SYN3: variants seen among roughly 807,000 people sequenced by gnomAD.
SYN3 encodes the protein synapsin III.
SYN3 carries 35 observed loss-of-function variants against 65.8 expected under a neutral mutation model. That is an observed-to-expected ratio of 0.53 (90% CI 0.41 to 0.70). The LOEUF (loss-of-function observed/expected upper bound fraction) is 0.70, where lower values mean the gene tolerates loss of function less well. Among genes scored for constraint, SYN3 ranks in the 30% least tolerant of loss-of-function variants. SYN3 has a pLI of 0.00. For missense variants in SYN3, 680 were observed against 749.0 expected (o/e 0.91, Z 1.08); for synonymous variants, 270 against 292.9 (o/e 0.92, Z 0.80).
intron 1 of SYN3, among the ~76,000 whole-genome samples, chr22:33,041,541 G>A (rs1452249070): frequency 2.0e-5 from 3 of 151,890 alleles, no homozygotes; most frequent in Non-Finnish European, 2.9e-5. Flanking sequence ...CTTGTGATCC[G>A]CCCGTCTCGG....
At chr22:32,951,484 C>T (rs1006687361) in intron 3 of SYN3, among the ~76,000 whole-genome samples, 3 of 152,248 alleles carry the variant, frequency 2.0e-5, no homozygotes, top group Admixed American at 2.0e-4. Context: ...ACCTCTCTCA[C>T]TCAAGTAGAA....
intron 4 of SYN3, among the ~76,000 whole-genome samples, chr22:32,897,823 T>C (rs932380087): frequency 2.6e-5 from 4 of 152,178 alleles, no homozygotes; most frequent in African/African-American, 9.6e-5. Context: ...TTTTTATATA[T>C]ATTTTTTTAT....
chr22:32,605,522 G>A (rs562570974), intron 6 of SYN3, among the ~76,000 whole-genome samples: 14 of 152,204 alleles, frequency 9.2e-5, no homozygotes, highest in African/African-American at 2.4e-4. Context: ...ATCGCCCCAC[G>A]TAAGCCTCTT....
chr22:32,651,014 C>A (rs1270394245), intron 6 of SYN3, among the ~76,000 whole-genome samples: 1 of 152,094 alleles, frequency 6.6e-6, no homozygotes, highest in Non-Finnish European at 1.5e-5. Flanking sequence ...CTGGGGTCAG[C>A]TGCAGCCAAG....
At chr22:32,874,817 T>C (rs1017586774) in intron 4 of SYN3, among the ~76,000 whole-genome samples, 7 of 152,084 alleles carry the variant, frequency 4.6e-5, no homozygotes, top group Admixed American at 4.6e-4. Context: ...AGACTTCACG[T>C]TTTCTCTTAA....
chr22:32,591,677 A>C (rs1295593298), intron 7 of SYN3, among the ~76,000 whole-genome samples: 2 of 152,230 alleles, frequency 1.3e-5, no homozygotes, highest in African/African-American at 2.4e-5. Context: ...AAATGAAGTT[A>C]GTTTTGTGCA....
intron 3 of SYN3, among the ~76,000 whole-genome samples, chr22:32,948,892 A>G (rs566185814): frequency 1.5e-5 from 2 of 135,170 alleles, no homozygotes; most frequent in South Asian, 4.2e-4. Flanking sequence ...AAAAAAAAAG[A>G]AAGAAAGAAA....
At chr22:32,566,628 T>C (rs1285981390) in intron 7 of SYN3, among the ~76,000 whole-genome samples, 1 of 152,202 alleles carries the variant, frequency 6.6e-6, no homozygotes, top group Non-Finnish European at 1.5e-5. Context: ...TTGGAGGTCA[T>C]GAATTATCTT....
In SYN3 at chr22:32,870,091, C is replaced by A. The variant is rs143053870; in HGVS notation, c.462-966G>T. ...ACAAAAAAATCAGCCCAGGCTGGGG[C>A]AATAGGGAGCACTTATAACCATTTG... On this transcript the variant is annotated intron_variant, in intron 4 of 13. Transcript: ENST00000358763. Among the ~76,000 whole-genome samples the A allele has an allele frequency of 3.3e-3, 505 of 152,188 alleles. 2 individuals are homozygous for A. Among genetic ancestry groups the A allele is most frequent in the Non-Finnish European group, 5.6e-3 (382 of 67,980 alleles).
In SYN3 at chr22:32,864,971, C is replaced by A. The variant is rs1217426407; in HGVS notation, c.655G>T (p.Gly219Cys). ...SQLIKIFHSL[G>C]PEKFPLVEQT... ...TCCACAAGCGGGAACTTCTCAGGAC[C>A]CAGGGAATGGAAGATCTTAATGAGC... The change falls in exon 6 of 14, where the codon GGT becomes TGT. Residue 219 changes from glycine (G) to cysteine (C), a missense_variant. By Grantham distance (159) the Gly-to-Cys change is radical (BLOSUM62 -3). Coordinates refer to ENST00000358763, the MANE Select transcript of SYN3 (RefSeq NM_003490.4). The A allele has an allele frequency of 6.2e-7, 1 of 1,614,040 alleles. No individual in the cohort carries two copies. The highest frequency in any genetic ancestry group is 8.5e-7 in the Non-Finnish European group (1 of 1,179,974).
Position 32,520,338 on chromosome 22 carries a change from T to C in SYN3, c.1319-2004A>G, listed in dbSNP as rs376274003. ...TTTTTGTAGAGATGGGGTGTCGCTG[T>C]GTTGCCCAGGCTGGTCTTGAACTCC... On this transcript the variant is annotated intron_variant, in intron 12 of 13. Transcript: ENST00000358763. 2.4e-4 allele frequency among the ~76,000 whole-genome samples: 36 copies of C among 151,782 alleles called. 3 individuals carry two copies. In the South Asian group the frequency reaches 5.4e-3, roughly 23 times the overall value.
intron 3 of SYN3, among the ~76,000 whole-genome samples, chr22:32,933,981 T>TA (rs113001238): frequency 2.0e-5 from 3 of 152,164 alleles, no homozygotes; most frequent in Admixed American, 6.5e-5. Flanking sequence ...CGGGAGTACT[T>TA]ACGCCTCTTG....
chr22:32,931,023 G>A (rs2146693516), intron 4 of SYN3: 1 of 177,332 alleles, frequency 5.6e-6, no homozygotes, highest in Non-Finnish European at 1.2e-5. Flanking sequence ...ACAGGGTGCT[G>A]TCATACATGT....
intron 2 of SYN3, among the ~76,000 whole-genome samples, chr22:32,995,756 T>C (rs1288020221): frequency 1.3e-5 from 2 of 152,012 alleles, no homozygotes; most frequent in Non-Finnish European, 2.9e-5. Context: ...TCCGACTCCC[T>C]GGTTCAAGTG....
intron 3 of SYN3, among the ~76,000 whole-genome samples, chr22:32,963,128 C>T (rs1234473418): frequency 1.3e-5 from 2 of 149,660 alleles, no homozygotes; most frequent in Non-Finnish European, 3.0e-5. Context: ...CCAGGCTGGA[C>T]AGCAGTGATG....
At chr22:32,779,049 G>C (rs2045972311) in intron 6 of SYN3, among the ~76,000 whole-genome samples, 1 of 152,180 alleles carries the variant, frequency 6.6e-6, no homozygotes, top group Non-Finnish European at 1.5e-5. Context: ...GAGGAAGGCT[G>C]ACATTAATCA....
Position 33,006,719 on chromosome 22 carries a change from A to C in SYN3, c.-57T>G, listed in dbSNP as rs1012419186. The C allele has an allele frequency of 5.0e-5, 75 of 1,501,872 alleles. No homozygotes were observed. Among genetic ancestry groups the C allele is most frequent in the Non-Finnish European group, 6.1e-5 (68 of 1,119,694 alleles). 93.0% of individuals were successfully genotyped at this position (1,501,872 alleles called of 1,614,324 possible). On this transcript the variant is annotated 5_prime_UTR_variant, in exon 2 of 14. Coordinates refer to ENST00000358763, the MANE Select transcript of SYN3 (RefSeq NM_003490.4). The stretch of plus-strand genomic sequence containing the variant: ...ACCCAGACGTGTGTAGGTGAGGCCC[A>C]GAAGACAGGCTGCTGCCAGGTACAG...
At chr22:32,857,668 G>A (rs145699827) in intron 6 of SYN3, among the ~76,000 whole-genome samples, 8 of 152,258 alleles carry the variant, frequency 5.3e-5, no homozygotes, top group Admixed American at 1.3e-4. Flanking sequence ...TGTTAGGCCC[G>A]TCTTTGAAAG....
rs185199716 is a variant in SYN3 at position 32,913,380 on chromosome 22, G to A, written c.461+18010C>T. ...TCACCATGTTAGCTAGGATGGTCTC[G>A]ATCTCCTGACCTCGTGATCCGCCCA... is the stretch of plus-strand genomic sequence containing the variant. On this transcript the variant is annotated intron_variant, in intron 4 of 13. Coordinates refer to ENST00000358763, the MANE Select transcript of SYN3 (RefSeq NM_003490.4). 2.6e-3 allele frequency among the ~76,000 whole-genome samples: 400 copies of A among 151,842 alleles called. 2 individuals carry two copies. The highest frequency in any genetic ancestry group is 9.0e-3 in the African/African-American group (371 of 41,438).
Sources: allele counts gnomAD v4.1 joint callset (sites outside exome capture counted in the v4.1 genomes callset), GRCh38; gene constraint gnomAD v4.1.1; transcripts MANE v1.5; gene names NCBI Gene and HGNC (gene_info 2026-07-23, HGNC 2026-07-21).